Variants in ZNF488 observed in about 807,000 individuals in gnomAD.
The protein encoded by ZNF488 is zinc finger protein 488.
Under a neutral mutation model 1.2 loss-of-function variants are expected in ZNF488, and 1 was observed. The ratio of observed to expected loss-of-function variants is 0.86; its 90% CI spans 0.30 to 4.07. The LOEUF is 4.07. ZNF488 is among the 30% of genes most tolerant of loss of function. ZNF488 has a pLI of 0.18. For missense variants in ZNF488, 450 were observed against 437.9 expected, an observed-to-expected ratio of 1.03 and a Z score of -0.25; for synonymous variants, 185 against 190.1, an observed-to-expected ratio of 0.97 and a Z score of 0.22.
At position 47,367,844 on chromosome 10, in the gene ZNF488, C is replaced by T. The variant is rs368434329; in HGVS notation, c.986G>A (p.Arg329His). The change falls in exon 2 of 2, where the codon CGC (arginine) becomes CAC (histidine). Residue 329 changes from arginine (R) to histidine (H), a missense_variant. By Grantham distance (29) the Arg-to-His change is conservative (BLOSUM62 0). Transcript: ENST00000585316. ...CPVCQEHFRE[R>H]HHLSRHMTSH... ...AGTCATGTGCCGGGAGAGGTGGTGG[C>T]GCTCCCGGAAGTGCTCCTGGCACAC... 269 of 1,613,122 alleles carry T rather than the reference C, an allele frequency of 1.7e-4. No homozygotes were observed. In the South Asian group the frequency reaches 2.5e-3, roughly 15 times the overall value.
chr10:47,382,692 A>G (rs1838022224), intron 1 of ZNF488, among the ~76,000 whole-genome samples: 1 of 152,240 alleles, frequency 6.6e-6, no homozygotes, highest in Non-Finnish European at 1.5e-5. Context: ...CAAAATATCT[A>G]GCATATGCAA....
chr10:47,378,318 T>C (rs897218457), intron 1 of ZNF488, among the ~76,000 whole-genome samples: 2 of 152,244 alleles, frequency 1.3e-5, no homozygotes, highest in Admixed American at 6.5e-5. Flanking sequence ...GGGGAGGTGG[T>C]ATCAGCCCTG....
rs781989880 is a variant in ZNF488, at chr10:47,368,086, C to A, written c.744G>T (p.Val248=). 1.2e-6 allele frequency: 2 copies of A among 1,614,184 alleles called. No individual in the cohort carries two copies. The highest frequency in any genetic ancestry group is 2.2e-5 in the South Asian group (2 of 91,088). ...TLWLEHTQAQ[V]PPPSSSSTTS... ...TGGTGGAGGATGATGAGGGTGGGGG[C>A]ACCTGGGCCTGGGTATGCTCCAGCC... Residue 248 remains valine (V), a synonymous_variant, in exon 2 of 2, where the codon GTG becomes GTT. Coordinates refer to ENST00000585316, the MANE Select transcript of ZNF488 (RefSeq NM_153034.4).
At chr10:47,380,430 C>T (rs1837888392) in intron 1 of ZNF488, among the ~76,000 whole-genome samples, 2 of 152,302 alleles carry the variant, frequency 1.3e-5, no homozygotes, top group African/African-American at 4.8e-5. Flanking sequence ...CCCAAGTCTA[C>T]AGGGGATCTA....
At position 47,376,894 on chromosome 10, in the gene ZNF488, A is replaced by G. The variant is rs1056720922; in HGVS notation, c.-109+7326T>C. On this transcript the variant is annotated intron_variant, in intron 1 of 1. Transcript: ENST00000585316. ...TACCCTTGTGTGCAGACTTGAGGTG[A>G]CCCTCAAGAAGCAGCCCAGAAAGCA... 5.9e-4 allele frequency among the ~76,000 whole-genome samples: 90 copies of G among 152,222 alleles called. 1 individual carries two copies. Among genetic ancestry groups the G allele is most frequent in the Admixed American group, 5.9e-4 (9 of 15,290 alleles).
chr10:47,377,671 TCACACACACACACACACACACACACA>T (rs55901237), intron 1 of ZNF488, among the ~76,000 whole-genome samples: 5 of 105,032 alleles, frequency 4.8e-5, no homozygotes, highest in East Asian at 5.2e-4. Flanking sequence ...GCAATAACAA[TCACACACACACACACACACACACACA>T]CACACACACA....
At position 47,367,702 on chromosome 10, in the gene ZNF488, G is replaced by A; in HGVS notation, c.*105C>T. 2 of 1,303,054 alleles carry A rather than the reference G, an allele frequency of 1.5e-6. No individual in the cohort carries two copies. The highest frequency in any genetic ancestry group is 2.1e-6 in the Non-Finnish European group (2 of 944,722). 80.7% of individuals were successfully genotyped at this position (1,303,054 alleles called of 1,614,324 possible). On this transcript the variant is annotated 3_prime_UTR_variant, in exon 2 of 2. Coordinates refer to ENST00000585316, the MANE Select transcript of ZNF488 (RefSeq NM_153034.4). ...TGTTTATCTATGAATGCCAAAAGCAGCAGCTCTGCAAAGGACCATGACAGC... is the reference window on the plus strand; with the variant it reads ...TGTTTATCTATGAATGCCAAAAGCAACAGCTCTGCAAAGGACCATGACAGC...
chr10:47,384,044 C>T (rs1838086375), intron 1 of ZNF488, among the ~76,000 whole-genome samples, 176 bp downstream of exon 1: 1 of 152,110 alleles, frequency 6.6e-6, no homozygotes, highest in South Asian at 2.1e-4. Flanking sequence ...GGATGGGACT[C>T]GGAGACGACG....
chr10:47,377,920 G>A (rs1837753216), intron 1 of ZNF488, among the ~76,000 whole-genome samples: 1 of 152,194 alleles, frequency 6.6e-6, no homozygotes, highest in Non-Finnish European at 1.5e-5. Context: ...AGGAGTGCCA[G>A]GCCACTTCAG....
intron 1 of ZNF488, 41 bp downstream of exon 1, chr10:47,384,179 G>T: frequency 6.5e-6 from 1 of 153,562 alleles, no homozygotes; most frequent in Middle Eastern, 3.4e-3. Flanking sequence ...GCCCGCGCCC[G>T]CTCGCGGCTC....
intron 1 of ZNF488, among the ~76,000 whole-genome samples, chr10:47,383,903 G>A (rs1165671615): frequency 2.6e-5 from 4 of 152,022 alleles, no homozygotes; most frequent in African/African-American, 9.7e-5. Context: ...GGAGAAGGTA[G>A]GGGAGAAGAA....
At chr10:47,371,994 G>A (rs1317249610) in intron 1 of ZNF488, among the ~76,000 whole-genome samples, 2 of 152,160 alleles carry the variant, frequency 1.3e-5, no homozygotes, top group African/African-American at 4.8e-5. Flanking sequence ...CAAAAGGAGA[G>A]CTTTGGAAGA....
At chr10:47,372,112 T>C (rs113264622) in intron 1 of ZNF488, among the ~76,000 whole-genome samples, 170 of 152,318 alleles carry the variant, frequency 1.1e-3, no homozygotes, top group African/African-American at 3.9e-3. Flanking sequence ...AAGCACCTAC[T>C]ATGTGCCAGG....
intron 1 of ZNF488, among the ~76,000 whole-genome samples, chr10:47,376,645 A>C (rs1279618992): frequency 6.6e-6 from 1 of 152,060 alleles, no homozygotes; most frequent in Admixed American, 6.5e-5. Context: ...CTTCTCCCCC[A>C]GCCCTAGCAC....
rs543850892 is a variant in ZNF488 at position 47,365,650 on chromosome 10, T to C, written c.*2157A>G. 1 of 167,232 alleles carries C rather than the reference T, an allele frequency of 6.0e-6. No individual in the cohort carries two copies. Among genetic ancestry groups the C allele is most frequent in the South Asian group, 2.1e-4 (1 of 4,822 alleles). The allele number at this position is 167,232 out of a possible 1,614,324, so 10.4% of individuals were successfully genotyped here. A position where few individuals can be genotyped will look rare whatever the true frequency, so the allele number is the denominator to read the frequency against. On this transcript the variant is annotated 3_prime_UTR_variant, in exon 2 of 2. Coordinates refer to ENST00000585316, the MANE Select transcript of ZNF488 (RefSeq NM_153034.4). ...CGACAAACAGAAAGATGGTTGCAGA[T>C]GGTGAGACATGCTGTGAAGGAAGCA... is the stretch of plus-strand genomic sequence containing the variant.
chr10:47,383,427 C>G (rs1838059734), intron 1 of ZNF488, among the ~76,000 whole-genome samples: 1 of 152,206 alleles, frequency 6.6e-6, no homozygotes, highest in Non-Finnish European at 1.5e-5. Context: ...TCCCCTGCAC[C>G]TGGCATTGCA....
At position 47,368,380 on chromosome 10, in the gene ZNF488, C is replaced by T. The variant is rs781939554; in HGVS notation, c.450G>A (p.Val150=). ...RGPAGSKVFS[V]WPSGARSEQR... is the part of the protein sequence containing the mutation. Reference sequence around the variant, plus strand: ...GCTCACTTCGTGCTCCGCTGGGCCACACAGAGAAGACTTTGCTGCCAGCTG... The same window carrying T: ...GCTCACTTCGTGCTCCGCTGGGCCATACAGAGAAGACTTTGCTGCCAGCTG... Residue 150 remains valine, a synonymous_variant, in exon 2 of 2, where the codon GTG becomes GTA. Coordinates refer to ENST00000585316, the MANE Select transcript of ZNF488 (RefSeq NM_153034.4). 5.0e-5 allele frequency: 80 copies of T among 1,614,078 alleles called. No homozygotes were observed. The highest frequency in any genetic ancestry group is 1.6e-4 in the East Asian group (7 of 44,882).
chr10:47,370,564 T>C (rs1298206018), intron 1 of ZNF488, among the ~76,000 whole-genome samples: 1 of 152,176 alleles, frequency 6.6e-6, no homozygotes, highest in African/African-American at 2.4e-5. Flanking sequence ...AGTCTGACCA[T>C]GGCTGGAAGA....
intron 1 of ZNF488, among the ~76,000 whole-genome samples, chr10:47,378,415 C>CT (rs1837779709): frequency 6.6e-6 from 1 of 152,268 alleles, no homozygotes; most frequent in African/African-American, 2.4e-5. Context: ...GTGCCCCCTC[C>CT]ACTGGTGAGA....
Sources: gnomAD v4.1 joint callset for allele counts (sites outside exome capture counted in the v4.1 genomes callset) on GRCh38, gnomAD v4.1.1 for gene constraint, MANE v1.5 for transcripts, NCBI Gene and HGNC (gene_info 2026-07-23, HGNC 2026-07-21) for gene names.